PLCB4: variants seen among roughly 807,000 people sequenced by gnomAD.
PLCB4 encodes the protein 1-phosphatidylinositol 4,5-bisphosphate phosphodiesterase beta-4.
PLCB4 carries 77 observed loss-of-function variants against 178.8 expected under a neutral mutation model. That is an observed-to-expected ratio of 0.43 (90% CI 0.36 to 0.52). The LOEUF (loss-of-function observed/expected upper bound fraction) is 0.52. Ranked by LOEUF, PLCB4 falls within the 20% of genes least tolerant of loss-of-function variation. The pLI is 0.00. For synonymous variants in PLCB4, 496 were observed against 490.8 expected, an observed-to-expected ratio of 1.01 and a Z score of -0.14; for missense variants, 1,024 against 1,453.4, an observed-to-expected ratio of 0.70 and a Z score of 4.80.
Position 9,380,078 on chromosome 20 carries a change from G to T in PLCB4, c.769G>T (p.Glu257Ter). 3 of 1,590,328 alleles carry T rather than the reference G, an allele frequency of 1.9e-6. No individual in the cohort carries two copies. The highest frequency in any genetic ancestry group is 1.1e-5 in the South Asian group (1 of 88,112). ...NEHQRDPRLN[E>*]ILFPFYDAKR... is the part of the protein sequence containing the mutation. ...GCATCAACGAGATCCTCGATTGAAT[G>T]AAATTTTATTTCCATTTTATGATGC... The change falls in exon 13 of 40, where the codon GAA (glutamate) becomes TAA (stop). Residue 257 changes from glutamate (E) to a stop codon, truncating the protein, a stop_gained. Coordinates refer to ENST00000378473, the MANE Select transcript of PLCB4 (RefSeq NM_001377142.1). LOFTEE classifies it high-confidence loss of function.
At chr20:9,252,873 A>G (rs572149868) in intron 3 of PLCB4, among the ~76,000 whole-genome samples, 1 of 152,140 alleles carries the variant, frequency 6.6e-6, no homozygotes, top group South Asian at 2.1e-4. Flanking sequence ...ATTGGTACCT[A>G]CACAACCTTG....
At chr20:9,216,437 T>C (rs2093733484) in intron 2 of PLCB4, among the ~76,000 whole-genome samples, 1 of 152,176 alleles carries the variant, frequency 6.6e-6, no homozygotes, top group African/African-American at 2.4e-5. Context: ...CAGGATGGTC[T>C]TGATCTCCTG....
intron 7 of PLCB4, among the ~76,000 whole-genome samples, chr20:9,351,322 C>T (rs1323278370): frequency 6.6e-6 from 1 of 151,922 alleles, no homozygotes; most frequent in Non-Finnish European, 1.5e-5. Flanking sequence ...TGGATCTCAG[C>T]AAGGAAGAAA....
intron 2 of PLCB4, among the ~76,000 whole-genome samples, chr20:9,134,581 C>T (rs746435911): frequency 1.3e-5 from 2 of 152,164 alleles, no homozygotes; most frequent in Non-Finnish European, 2.9e-5. Context: ...CCCAGAAAGA[C>T]ACAAAATTAG....
chr20:9,436,818 AAAG>A, intron 29 of PLCB4, among the ~76,000 whole-genome samples, 181 bp from the exon 30 acceptor site: 2 of 152,308 alleles, frequency 1.3e-5, no homozygotes, highest in South Asian at 4.1e-4. Context: ...AGAAAAAGAG[AAAG>A]TATTCTCTGC....
intron 1 of PLCB4, among the ~76,000 whole-genome samples, chr20:9,095,328 T>C (rs1448867715): frequency 6.6e-6 from 1 of 152,192 alleles, no homozygotes; most frequent in Non-Finnish European, 1.5e-5. Context: ...TCATTTCAAA[T>C]CTTTGGAGCT....
At chr20:9,325,347 A>G (rs1045400627) in intron 4 of PLCB4, among the ~76,000 whole-genome samples, 31 of 152,136 alleles carry the variant, frequency 2.0e-4, no homozygotes, top group African/African-American at 6.8e-4. Context: ...TGTTTTGACT[A>G]CTGTGACAGT....
intron 39 of PLCB4, among the ~76,000 whole-genome samples, chr20:9,478,542 G>A: frequency 6.6e-6 from 1 of 152,122 alleles, no homozygotes; most frequent in Non-Finnish European, 1.5e-5. Flanking sequence ...CACAGTCAAA[G>A]CAACGTGTCA....
At chr20:9,289,507 T>C (rs928910212) in intron 3 of PLCB4, among the ~76,000 whole-genome samples, 1 of 152,116 alleles carries the variant, frequency 6.6e-6, no homozygotes, top group Non-Finnish European at 1.5e-5. Flanking sequence ...CCAGGATCTC[T>C]GTCCTCAGGT....
intron 32 of PLCB4, among the ~76,000 whole-genome samples, chr20:9,452,360 A>G (rs1354547412): frequency 6.6e-6 from 1 of 152,232 alleles, no homozygotes; most frequent in Non-Finnish European, 1.5e-5. Context: ...ATTTTCTTCA[A>G]TAAGTGAAAG....
chr20:9,190,652 G>C (rs920641605), intron 2 of PLCB4, among the ~76,000 whole-genome samples: 5 of 152,300 alleles, frequency 3.3e-5, no homozygotes, highest in Admixed American at 1.3e-4. Flanking sequence ...TGGAGACCAG[G>C]TATAAAGAAG....
intron 3 of PLCB4, among the ~76,000 whole-genome samples, chr20:9,255,449 T>C (rs1036330174): frequency 2.0e-5 from 3 of 152,150 alleles, no homozygotes; most frequent in African/African-American, 2.4e-5. Context: ...CCTAATTAAC[T>C]TGTCTCTCCT....
At chr20:9,212,188 C>T (rs140862401) in intron 2 of PLCB4, among the ~76,000 whole-genome samples, 207 of 152,266 alleles carry the variant, frequency 1.4e-3, no homozygotes, top group African/African-American at 4.9e-3. Context: ...TAGAGAACAC[C>T]AAAATAAGTG....
intron 2 of PLCB4, among the ~76,000 whole-genome samples, chr20:9,211,721 G>A (rs144373095): frequency 9.9e-5 from 15 of 152,262 alleles, no homozygotes; most frequent in African/African-American, 3.4e-4. Flanking sequence ...TTATAGTTAT[G>A]TACCCAATAG....
intron 7 of PLCB4, among the ~76,000 whole-genome samples, chr20:9,345,112 C>T (rs929703118): frequency 1.3e-5 from 2 of 152,124 alleles, no homozygotes; most frequent in African/African-American, 4.8e-5. Context: ...CTGCTTGAAC[C>T]CAGGAGGTGG....
chr20:9,258,683 C>T (rs1355314467), intron 3 of PLCB4, among the ~76,000 whole-genome samples: 1 of 146,088 alleles, frequency 6.8e-6, no homozygotes, highest in Non-Finnish European at 1.5e-5. Context: ...CCAATGCACT[C>T]CAGCCTGGGT....
chr20:9,141,102 A>G (rs986829696), intron 2 of PLCB4, among the ~76,000 whole-genome samples: 1 of 152,294 alleles, frequency 6.6e-6, no homozygotes, highest in South Asian at 2.1e-4. Context: ...GAGATGGTCC[A>G]TAAGTGCCTG....
chr20:9,311,871 T>C (rs2147897241), intron 4 of PLCB4, among the ~76,000 whole-genome samples: 1 of 152,310 alleles, frequency 6.6e-6, no homozygotes, highest in African/African-American at 2.4e-5. Flanking sequence ...ATGGTCTACA[T>C]TTGTGTTGCC....
intron 3 of PLCB4, among the ~76,000 whole-genome samples, chr20:9,303,563 A>G (rs2094729796): frequency 6.6e-6 from 1 of 152,190 alleles, no homozygotes. Context: ...ATAATACACC[A>G]CATTTTCTCT....
Sources: gnomAD v4.1 joint callset for allele counts (sites outside exome capture counted in the v4.1 genomes callset) on GRCh38, gnomAD v4.1.1 for gene constraint, MANE v1.5 for transcripts, NCBI Gene and HGNC (gene_info 2026-07-23, HGNC 2026-07-21) for gene names.